APBA2: variants seen among roughly 807,000 people sequenced by gnomAD.
The protein encoded by APBA2 is amyloid-beta A4 precursor protein-binding family A member 2.
In APBA2, 30 loss-of-function variants were observed where a neutral mutation model predicts 75.0. The observed-to-expected ratio is 0.40, with a 90% CI of 0.30 to 0.54. The LOEUF (loss-of-function observed/expected upper bound fraction) is 0.54. APBA2 is among the 20% of genes least tolerant of loss of function. APBA2 has a pLI of 0.49. For missense variants in APBA2, 801 were observed against 1,016.1 expected, an observed-to-expected ratio of 0.79 and a Z score of 2.88; for synonymous variants, 444 against 409.6, an observed-to-expected ratio of 1.08 and a Z score of -1.01.
intron 3 of APBA2, among the ~76,000 whole-genome samples, chr15:28,999,292 T>C (rs1157423947): frequency 1.3e-5 from 2 of 152,228 alleles, no homozygotes; most frequent in African/African-American, 4.8e-5. Context: ...TATTAGCAAC[T>C]TCTTTAAGAG....
intron 3 of APBA2, among the ~76,000 whole-genome samples, chr15:29,040,773 G>C (rs1420613682): frequency 6.6e-6 from 1 of 152,064 alleles, no homozygotes; most frequent in Non-Finnish European, 1.5e-5. Flanking sequence ...AAAGCGATCT[G>C]GGATGCAATC....
chr15:28,908,390 A>T (rs2152644612), intron 1 of APBA2, among the ~76,000 whole-genome samples: 2 of 150,092 alleles, frequency 1.3e-5, no homozygotes, highest in South Asian at 4.2e-4. Flanking sequence ...GGCTCACTGC[A>T]AGCTCCGCCT....
chr15:29,008,006 C>A (rs2039213859), intron 3 of APBA2, among the ~76,000 whole-genome samples: 1 of 152,150 alleles, frequency 6.6e-6, no homozygotes, highest in Admixed American at 6.5e-5. Flanking sequence ...AATGGATCAA[C>A]AAAATGTGGT....
At position 29,046,884 on chromosome 15, in the gene APBA2, G is replaced by A. The variant is rs2041362027; in HGVS notation, c.-40-6961G>A. Among the ~76,000 whole-genome samples, 1 of 152,236 alleles carries A rather than the reference G, an allele frequency of 6.6e-6. No homozygotes were observed. Among genetic ancestry groups the A allele is most frequent in the South Asian group, 2.1e-4 (1 of 4,836 alleles). ...CAGCCACTCCCAGCCACCTGTGTCA[G>A]CAGAGTTCCCCGTTCCCATCTAAGA... On this transcript the variant is annotated intron_variant, in intron 3 of 14. Transcript: ENST00000683413. The surrounding 1 kb of genome is among the most constrained non-coding windows in gnomAD (Gnocchi z 5.0).
At chr15:29,113,831 G>A (rs759403192) in intron 13 of APBA2, 45 bp from the exon 14 acceptor site, 12 of 1,551,890 alleles carry the variant, frequency 7.7e-6, no homozygotes, top group South Asian at 2.5e-5. Flanking sequence ...AGCGCCTGTC[G>A]GGTGTGGCGG....
chr15:29,096,357 C>T lies in APBA2; in HGVS notation c.1251+2044C>T, dbSNP rs539195584. Reference sequence around the variant, plus strand: ...TGGGTGGCTTCAGGCTGCCCCTCTTCTCCCATCCAGGGATCCCAGCCTCAG... The same window carrying T: ...TGGGTGGCTTCAGGCTGCCCCTCTTTTCCCATCCAGGGATCCCAGCCTCAG... On this transcript the variant is annotated intron_variant, in intron 8 of 14. Coordinates refer to ENST00000683413, the MANE Select transcript of APBA2 (RefSeq NM_001353788.2). Among the ~76,000 whole-genome samples the T allele has an allele frequency of 5.3e-4, 81 of 152,332 alleles. 1 individual carries two copies. In the South Asian group the frequency reaches 0.015, roughly 29 times the overall value.
intron 2 of APBA2, among the ~76,000 whole-genome samples, chr15:28,980,783 A>G (rs908944358): frequency 1.3e-5 from 2 of 152,216 alleles, no homozygotes; most frequent in African/African-American, 4.8e-5. Flanking sequence ...CCAAACTTCA[A>G]ACTATACTAC....
intron 2 of APBA2, among the ~76,000 whole-genome samples, chr15:28,932,521 G>C (rs2034617528): frequency 6.6e-6 from 1 of 152,224 alleles, no homozygotes; most frequent in African/African-American, 2.4e-5. Flanking sequence ...GGCAGTAAAA[G>C]CAACGTCCAC....
chr15:28,945,622 G>T (rs8023781), intron 2 of APBA2, among the ~76,000 whole-genome samples: 40 of 151,702 alleles, frequency 2.6e-4, no homozygotes, highest in African/African-American at 9.4e-4. Context: ...AAGTTCAAGC[G>T]ATTCTCCTGC....
In APBA2 at chr15:29,105,921, G is replaced by A. The variant is rs559415138; in HGVS notation, c.1704+363G>A. 2.0e-5 allele frequency among the ~76,000 whole-genome samples: 3 copies of A among 152,382 alleles called. No individual in the cohort carries two copies. In the East Asian group the frequency reaches 5.8e-4, roughly 29 times the overall value. ...GAGGCTGGAAGCCACCAGTAGCAGA[G>A]GCCTTAGCTGGTCCCAGTGGCTTCC... is the stretch of plus-strand genomic sequence containing the variant. On this transcript the variant is annotated intron_variant, in intron 11 of 14. Coordinates refer to ENST00000683413, the MANE Select transcript of APBA2 (RefSeq NM_001353788.2).
chr15:29,106,547 C>A, intron 11 of APBA2, 60 bp from the exon 12 acceptor site: 1 of 1,583,168 alleles, frequency 6.3e-7, no homozygotes, highest in Non-Finnish European at 8.7e-7. Context: ...TCCTGTGGGT[C>A]CTTGGCAGAG....
In APBA2 at chr15:29,054,484, G is replaced by A; in HGVS notation, c.600G>A (p.Glu200=). 1.9e-6 allele frequency: 3 copies of A among 1,614,010 alleles called. No individual in the cohort carries two copies. The East Asian group carries it at 6.7e-5, about 36-fold the overall frequency. ...GCTACCAGGACTACTACCCCGAGGA[G>A]GCCAACGGGAACACCGGCGCCTCCC... ...KEGYQDYYPE[E]ANGNTGASPY... is the part of the protein sequence containing the mutation. The change falls in exon 4 of 15, where the codon GAG becomes GAA. Residue 200 remains glutamate, a synonymous_variant. Coordinates refer to ENST00000683413, the MANE Select transcript of APBA2 (RefSeq NM_001353788.2). The surrounding 1 kb of genome is among the most constrained non-coding windows in gnomAD (Gnocchi z 6.1).
intron 2 of APBA2, chr15:28,977,419 A>G (rs193011007): frequency 2.6e-5 from 4 of 152,012 alleles, no homozygotes; most frequent in Admixed American, 2.6e-4. Flanking sequence ...GCAGAACCCC[A>G]CCCCCAAGAT....
At chr15:29,086,997 T>C (rs898315650) in intron 6 of APBA2, among the ~76,000 whole-genome samples, 8 of 152,328 alleles carry the variant, frequency 5.3e-5, no homozygotes, top group African/African-American at 1.9e-4. Flanking sequence ...TAAGCATGTC[T>C]TCCCCTTTCT....
At chr15:28,908,249 C>T (rs1390181128) in intron 1 of APBA2, among the ~76,000 whole-genome samples, 4 of 152,048 alleles carry the variant, frequency 2.6e-5, no homozygotes, top group Admixed American at 6.5e-5. Flanking sequence ...TAAGTCACGC[C>T]CCTGTCACTC....
intron 13 of APBA2, among the ~76,000 whole-genome samples, chr15:29,109,080 G>T (rs1365024559): frequency 6.6e-6 from 1 of 152,214 alleles, no homozygotes; most frequent in African/African-American, 2.4e-5. Context: ...GAAGAAAAGG[G>T]CTGGCAATAC....
chr15:29,045,108 C>T (rs1347943510), intron 3 of APBA2, among the ~76,000 whole-genome samples: 5 of 98,876 alleles, frequency 5.1e-5, no homozygotes, highest in Admixed American at 2.3e-4. Flanking sequence ...TCTCTCGTCT[C>T]GCACTGTCAC....
intron 3 of APBA2, among the ~76,000 whole-genome samples, chr15:29,041,498 AAAGCAATTATT>A (rs1363829574): frequency 5.3e-5 from 8 of 151,712 alleles, no homozygotes; most frequent in Non-Finnish European, 1.0e-4. Flanking sequence ...AAAAAAAAAA[AAAGCAATTATT>A]AAAAAAAGGT....
chr15:28,925,371 A>G (rs1343206909), intron 2 of APBA2, among the ~76,000 whole-genome samples: 1 of 152,174 alleles, frequency 6.6e-6, no homozygotes. Context: ...ATGTTAGGAT[A>G]ATTCCAGCTT....
Sources: gnomAD v4.1 joint callset for allele counts (sites outside exome capture counted in the v4.1 genomes callset) on GRCh38, gnomAD v4.1.1 for gene constraint, Gnocchi (gnomAD v3.1) non-coding constraint, MANE v1.5 for transcripts, NCBI Gene and HGNC (gene_info 2026-07-23, HGNC 2026-07-21) for gene names.